Variants in XPR1 observed in about 807,000 individuals in gnomAD.
The protein encoded by XPR1 is solute carrier family 53 member 1.
In XPR1, 28 loss-of-function variants were observed where a neutral mutation model predicts 87.5. That is an observed-to-expected ratio of 0.32 (90% CI 0.24 to 0.44). XPR1 has a LOEUF of 0.44. XPR1 is among the 20% of genes least tolerant of loss of function. The pLI is 1.00. For missense variants in XPR1, 559 were observed against 862.3 expected, an observed-to-expected ratio of 0.65 and a Z score of 4.41; for synonymous variants, 300 against 306.1, an observed-to-expected ratio of 0.98 and a Z score of 0.21.
At chr1:180,807,046 G>A (rs1031970441) in intron 6 of XPR1, among the ~76,000 whole-genome samples, 10 of 151,894 alleles carry the variant, frequency 6.6e-5, no homozygotes, top group African/African-American at 2.4e-4. Context: ...CAATAACAGA[G>A]CTTCCATAGC....
At chr1:180,748,341 C>G (rs887261381) in intron 2 of XPR1, among the ~76,000 whole-genome samples, 2 of 142,660 alleles carry the variant, frequency 1.4e-5, no homozygotes, top group Admixed American at 1.4e-4. Context: ...AAAGCAAAGT[C>G]AATAAATGCT....
intron 2 of XPR1, among the ~76,000 whole-genome samples, chr1:180,762,583 C>G (rs72723021): frequency 0.016 from 2,385 of 152,228 alleles, 31 homozygotes; most frequent in Non-Finnish European, 0.025. Flanking sequence ...ATTAAGGGAA[C>G]AGGCTGGCCT....
At chr1:180,831,963 A>G (rs1314224704) in intron 9 of XPR1, among the ~76,000 whole-genome samples, 1 of 152,184 alleles carries the variant, frequency 6.6e-6, no homozygotes, top group East Asian at 1.9e-4. Flanking sequence ...ATCCTTGAGG[A>G]ATCGCCACAC....
At chr1:180,632,694 T>A (rs541751970) in intron 1 of XPR1, among the ~76,000 whole-genome samples, 1 of 152,336 alleles carries the variant, frequency 6.6e-6, no homozygotes, top group East Asian at 1.9e-4. Flanking sequence ...AGGTTAGGTC[T>A]TGTTTCTCTC....
At chr1:180,730,065 A>G (rs747617904) in intron 2 of XPR1, among the ~76,000 whole-genome samples, 9 of 152,200 alleles carry the variant, frequency 5.9e-5, no homozygotes, top group Admixed American at 1.3e-4. Context: ...TTGATTTTAT[A>G]TATGGTGTTA....
intron 7 of XPR1, among the ~76,000 whole-genome samples, chr1:180,812,699 G>A (rs913875202): frequency 6.7e-6 from 1 of 150,294 alleles, no homozygotes; most frequent in East Asian, 1.9e-4. Flanking sequence ...CCAGGTCTGG[G>A]GTGCAGTGGT....
At chr1:180,772,931 A>C (rs1426752427) in intron 2 of XPR1, among the ~76,000 whole-genome samples, 1 of 152,148 alleles carries the variant, frequency 6.6e-6, no homozygotes, top group Non-Finnish European at 1.5e-5. Context: ...ATATATTAAC[A>C]ACCATGAGTT....
intron 1 of XPR1, among the ~76,000 whole-genome samples, chr1:180,636,975 C>T (rs900719431): frequency 2.8e-5 from 4 of 144,540 alleles, no homozygotes; most frequent in Non-Finnish European, 6.0e-5. Context: ...TCGATTGAAC[C>T]GGGGAGGCGG....
chr1:180,761,821 C>G (rs557864882), intron 2 of XPR1, among the ~76,000 whole-genome samples: 2 of 152,074 alleles, frequency 1.3e-5, no homozygotes, highest in Non-Finnish European at 2.9e-5. Context: ...CACATGCACA[C>G]GTATGTTTAT....
intron 2 of XPR1, among the ~76,000 whole-genome samples, chr1:180,706,131 G>A (rs1571746915): frequency 6.6e-6 from 1 of 152,196 alleles, no homozygotes; most frequent in South Asian, 2.1e-4. Flanking sequence ...TTCCCAAGGA[G>A]CTTAAATAAT....
At chr1:180,770,214 G>A (rs1481278588) in intron 2 of XPR1, among the ~76,000 whole-genome samples, 1 of 152,116 alleles carries the variant, frequency 6.6e-6, no homozygotes, top group Non-Finnish European at 1.5e-5. Context: ...AAGAGATGAT[G>A]TTTTAGTTTG....
intron 1 of XPR1, among the ~76,000 whole-genome samples, chr1:180,682,024 A>G (rs1227196073): frequency 1.3e-5 from 2 of 152,274 alleles, no homozygotes; most frequent in East Asian, 1.9e-4. Flanking sequence ...TATGCAGTCT[A>G]CTAGTTTTTT....
intron 2 of XPR1, among the ~76,000 whole-genome samples, chr1:180,726,869 G>A (rs147508788): frequency 6.0e-5 from 9 of 150,314 alleles, no homozygotes; most frequent in Admixed American, 1.3e-4. Context: ...TTAAATGTAT[G>A]TTTTCTTTCT....
chr1:180,856,696 C>T (rs1037262200), intron 11 of XPR1, among the ~76,000 whole-genome samples: 1 of 152,146 alleles, frequency 6.6e-6, no homozygotes, highest in Non-Finnish European at 1.5e-5. Context: ...CAAAATTTAC[C>T]AAGTCCTGCC....
At chr1:180,751,517 CT>C (rs1488821964) in intron 2 of XPR1, among the ~76,000 whole-genome samples, 6 of 152,050 alleles carry the variant, frequency 3.9e-5, no homozygotes, top group Non-Finnish European at 8.8e-5. Flanking sequence ...GAAGCCATAT[CT>C]TTTATCTACT....
At chr1:180,647,484 A>C (rs1285986839) in intron 1 of XPR1, among the ~76,000 whole-genome samples, 1 of 152,190 alleles carries the variant, frequency 6.6e-6, no homozygotes, top group Non-Finnish European at 1.5e-5. Flanking sequence ...GTGCATGACT[A>C]TTTTATTATC....
chr1:180,657,524 C>A (rs1655577006), intron 1 of XPR1, among the ~76,000 whole-genome samples: 1 of 152,132 alleles, frequency 6.6e-6, no homozygotes, highest in Non-Finnish European at 1.5e-5. Context: ...CCAGTTTTCC[C>A]AGTACCACTT....
At chr1:180,789,489 T>A (rs1649299403) in intron 3 of XPR1, among the ~76,000 whole-genome samples, 1 of 152,204 alleles carries the variant, frequency 6.6e-6, no homozygotes, top group African/African-American at 2.4e-5. Context: ...AACATCTGTT[T>A]TTCCATCTCA....
In XPR1 at chr1:180,813,034, C is replaced by CT. The variant is rs145312773; in HGVS notation, c.763+1552dup. Among the ~76,000 whole-genome samples the CT allele has an allele frequency of 1.5e-3, 200 of 131,872 alleles. 1 individual carries two copies. The highest frequency in any genetic ancestry group is 2.7e-3 in the Admixed American group (33 of 12,372). 86.5% of individuals were successfully genotyped at this position (131,872 alleles called of 152,430 possible). A position where few individuals can be genotyped will look rare whatever the true frequency, so the allele number is the denominator to read the frequency against. ...CTTGCCTCCTTATAGCTACTAGTGTCTTTTTTCCCCCCCCCCAATGGAAGT... is the reference window on the plus strand; with the variant it reads ...CTTGCCTCCTTATAGCTACTAGTGTCTTTTTTTCCCCCCCCCCAATGGAAGT... On this transcript the variant is annotated intron_variant, in intron 7 of 14. Transcript: ENST00000367590.
Sources: gnomAD v4.1 joint callset for allele counts (sites outside exome capture counted in the v4.1 genomes callset) on GRCh38, gnomAD v4.1.1 for gene constraint, MANE v1.5 for transcripts, NCBI Gene and HGNC (gene_info 2026-07-23, HGNC 2026-07-21) for gene names.